Variants in EPHA4 observed in about 807,000 individuals in gnomAD.
EPHA4 encodes the protein ephrin type-A receptor 4.
A neutral mutation model predicts 108.3 loss-of-function variants in EPHA4; 19 were observed. The ratio of observed to expected loss-of-function variants is 0.18; its 90% CI spans 0.12 to 0.26. EPHA4 has a LOEUF of 0.26. Ranked by LOEUF, EPHA4 falls within the 10% of genes least tolerant of loss-of-function variation. The probability of loss-of-function intolerance (pLI) is 1.00; values close to 1 mark genes in which losing one functional copy is unlikely to be tolerated. For synonymous variants in EPHA4, 449 were observed against 455.5 expected, an observed-to-expected ratio of 0.99 and a Z score of 0.18; for missense variants, 917 against 1,254.0, an observed-to-expected ratio of 0.73 and a Z score of 4.06.
At chr2:221,426,679 A>C (rs1425554271) in intron 15 of EPHA4, 60 bp from the exon 16 acceptor site, 2 of 1,484,604 alleles carry the variant, frequency 1.3e-6, no homozygotes, top group African/African-American at 1.4e-5. Flanking sequence ...AAGAAGACTC[A>C]GAAATCTGAT....
chr2:221,536,813 G>C (rs1693685939), intron 3 of EPHA4, among the ~76,000 whole-genome samples: 1 of 152,202 alleles, frequency 6.6e-6, no homozygotes, highest in African/African-American at 2.4e-5. Context: ...CCTATTAGCT[G>C]TGTGACTTTG....
chr2:221,450,646 A>AAT (rs753210277), intron 8 of EPHA4, among the ~76,000 whole-genome samples: 26 of 151,894 alleles, frequency 1.7e-4, no homozygotes, highest in Admixed American at 6.6e-4. Context: ...TCCAGTACCT[A>AAT]ATATATATAT....
At chr2:221,484,030 T>C (rs1040242780) in intron 4 of EPHA4, among the ~76,000 whole-genome samples, 4 of 152,148 alleles carry the variant, frequency 2.6e-5, no homozygotes, top group Non-Finnish European at 2.9e-5. Flanking sequence ...AAGAAAAATT[T>C]GAGGTTTCTA....
At chr2:221,518,312 G>A (rs1385035843) in intron 3 of EPHA4, among the ~76,000 whole-genome samples, 1 of 152,118 alleles carries the variant, frequency 6.6e-6, no homozygotes, top group East Asian at 1.9e-4. Flanking sequence ...CTGTAGTCTA[G>A]GTTAGGAAAT....
intron 3 of EPHA4, among the ~76,000 whole-genome samples, chr2:221,534,466 C>G (rs1693606374): frequency 6.6e-6 from 1 of 152,134 alleles, no homozygotes; most frequent in Non-Finnish European, 1.5e-5. Context: ...AAGGTCTCAC[C>G]CCCTCAGATG....
intron 3 of EPHA4, among the ~76,000 whole-genome samples, chr2:221,552,484 G>A (rs1206959846): frequency 6.6e-6 from 1 of 152,116 alleles, no homozygotes; most frequent in African/African-American, 2.4e-5. Context: ...CCTCTGTCAA[G>A]GGCCTCCTAG....
chr2:221,525,227 C>A (rs1294719995), intron 3 of EPHA4, among the ~76,000 whole-genome samples: 3 of 152,146 alleles, frequency 2.0e-5, no homozygotes, highest in African/African-American at 7.2e-5. Context: ...AATGTGAGCA[C>A]AGAGAGGACA....
rs1420416308 is a variant in EPHA4, at chr2:221,482,688, G to A, written c.982C>T (p.Pro328Ser). ...NDAASMPCTR[P>S]PSAPLNLISN... Reference sequence around the variant, plus strand: ...ATCAAGTTCAGGGGAGCAGATGGTGGACCTGGAGAAAGAAAACCACATCAT... The same window carrying A: ...ATCAAGTTCAGGGGAGCAGATGGTGAACCTGGAGAAAGAAAACCACATCAT... Residue 328 changes from proline (P) to serine (S), a missense_variant and splice_region_variant, in exon 5 of 18, where the codon CCA (proline) becomes TCA (serine). Pro to Ser is a moderately conservative substitution (Grantham distance 74, BLOSUM62 -1). This residue lies in a region of EPHA4 where 758 missense variants were observed against 1,076.7 expected (regional missense o/e 0.70). Coordinates refer to ENST00000281821, the MANE Select transcript of EPHA4 (RefSeq NM_004438.5). 4 of 1,587,658 alleles carry A rather than the reference G, an allele frequency of 2.5e-6. No individual in the cohort carries two copies. In the African/African-American group the frequency reaches 5.4e-5, roughly 21 times the overall value.
intron 3 of EPHA4, among the ~76,000 whole-genome samples, chr2:221,533,693 A>G (rs975900252): frequency 6.6e-6 from 1 of 150,406 alleles, no homozygotes; most frequent in African/African-American, 2.5e-5. Context: ...TGATTTCAAA[A>G]GCATCCTGAC....
At chr2:221,441,948 C>CCCT (rs1320274834) in intron 11 of EPHA4, among the ~76,000 whole-genome samples, 17 of 152,212 alleles carry the variant, frequency 1.1e-4, no homozygotes, top group Non-Finnish European at 5.9e-5. Context: ...CTTTAACCTA[C>CCCT]CCTCCTCCGA....
intron 4 of EPHA4, among the ~76,000 whole-genome samples, chr2:221,499,237 T>A (rs1692399042): frequency 6.8e-6 from 1 of 147,704 alleles, no homozygotes; most frequent in African/African-American, 2.5e-5. Flanking sequence ...ATAAATATAA[T>A]AATATAAATA....
At chr2:221,443,701 G>T in intron 9 of EPHA4, 95 bp from the exon 10 acceptor site, 1 of 889,800 alleles carries the variant, frequency 1.1e-6, no homozygotes, top group Non-Finnish European at 1.8e-6. Flanking sequence ...CATAGGAAAA[G>T]TCAAGTTAGC....
intron 4 of EPHA4, among the ~76,000 whole-genome samples, chr2:221,486,691 G>A (rs187357307): frequency 9.3e-5 from 14 of 150,910 alleles, no homozygotes; most frequent in Admixed American, 4.6e-4. Flanking sequence ...CTGAGATCGC[G>A]CCATTGCACT....
At chr2:221,459,563 G>GCACA (rs1399999520) in intron 5 of EPHA4, among the ~76,000 whole-genome samples, 2 of 150,892 alleles carry the variant, frequency 1.3e-5, no homozygotes, top group African/African-American at 2.4e-5. Context: ...ACACACACAG[G>GCACA]CACACACACA....
intron 5 of EPHA4, among the ~76,000 whole-genome samples, chr2:221,463,809 G>A (rs151167988): frequency 1.2e-3 from 179 of 152,264 alleles, no homozygotes; most frequent in African/African-American, 4.0e-3. Context: ...GAGGAGATAC[G>A]GAGAAAAGAA....
At chr2:221,509,801 T>C (rs1692770765) in intron 3 of EPHA4, among the ~76,000 whole-genome samples, 1 of 152,222 alleles carries the variant, frequency 6.6e-6, no homozygotes, top group Non-Finnish European at 1.5e-5. Flanking sequence ...CTGACATTCA[T>C]ATTCACTGTC....
In EPHA4 at chr2:221,556,825, ATTG is replaced by A. The variant is rs752487174; in HGVS notation, c.823+6903_823+6905del. 5.1e-4 allele frequency among the ~76,000 whole-genome samples: 78 copies of A among 152,164 alleles called. 1 individual carries two copies. Among genetic ancestry groups the A allele is most frequent in the Admixed American group, 5.2e-4 (8 of 15,280 alleles). ...ATTGTTATAATTGTTCTATTTTATT[ATTG>A]TTGTTGGCATTCTCTTACTGTGCTT... On this transcript the variant is annotated intron_variant, in intron 3 of 17. Transcript: ENST00000281821.
At chr2:221,421,113 T>C (rs562848654) in intron 17 of EPHA4, among the ~76,000 whole-genome samples, 1,657 of 152,112 alleles carry the variant, frequency 0.011, 35 homozygotes, top group African/African-American at 0.038. Flanking sequence ...CTGGCTAACG[T>C]GGTGAAACCC....
At chr2:221,551,939 G>C (rs556872579) in intron 3 of EPHA4, among the ~76,000 whole-genome samples, 2 of 151,914 alleles carry the variant, frequency 1.3e-5, no homozygotes, top group East Asian at 3.9e-4. Flanking sequence ...CTAAAAGAAA[G>C]GGTTTGAAAA....
Sources: gnomAD v4.1 joint callset for allele counts (sites outside exome capture counted in the v4.1 genomes callset) on GRCh38, gnomAD v4.1.1 for gene constraint, gnomAD v4.1.1 regional missense constraint, MANE v1.5 for transcripts, NCBI Gene and HGNC (gene_info 2026-07-23, HGNC 2026-07-21) for gene names.